Variants in ABI3BP observed in about 807,000 individuals in gnomAD.
ABI3BP encodes the protein ABI family member 3 binding protein.
A neutral mutation model predicts 268.6 loss-of-function variants in ABI3BP; 216 were observed. The ratio of observed to expected loss-of-function variants is 0.80; its 90% CI spans 0.72 to 0.90. The LOEUF is 0.90. Ranked by LOEUF, ABI3BP falls within the 40% of genes least tolerant of loss-of-function variation. The probability of loss-of-function intolerance (pLI) is 0.00; values close to 1 mark genes in which losing one functional copy is unlikely to be tolerated. For missense variants in ABI3BP, 2,090 were observed against 2,182.4 expected (o/e 0.96, Z 0.84); for synonymous variants, 730 against 730.0 (o/e 1.00, Z 0.00).
rs781034512 is a variant in ABI3BP at position 100,804,792 on chromosome 3, C to T, written c.3757G>A (p.Ala1253Thr). 2 of 1,612,554 alleles carry T rather than the reference C, an allele frequency of 1.2e-6. No individual in the cohort carries two copies. The highest frequency in any genetic ancestry group is 2.2e-5 in the East Asian group (1 of 44,826). The change falls in exon 51 of 68, where the codon GCT (alanine) becomes ACT (threonine). Residue 1253 changes from alanine (A) to threonine (T), a missense_variant and splice_region_variant. Ala to Thr is a moderately conservative substitution (Grantham distance 58, BLOSUM62 0). Coordinates refer to ENST00000471714, the MANE Select transcript of ABI3BP (RefSeq NM_001375547.2). The stretch of plus-strand genomic sequence containing the variant: ...CTTAAACATGAAATAAAGCATTTAC[C>T]AGGTGTGGTGTATGACACTTCTGGA... ...PSPEVSYTTP[A>T]PKDVLLPHKP...
rs1359594512 is a variant in ABI3BP at position 100,838,214 on chromosome 3, T to C, written c.2079A>G (p.Lys693=). 13 of 1,535,530 alleles carry C rather than the reference T, an allele frequency of 8.5e-6. No individual in the cohort carries two copies. Among genetic ancestry groups the C allele is most frequent in the Non-Finnish European group, 9.6e-6 (11 of 1,146,048 alleles). ...TTAEPDMPPT[K]SVSEPVPFET... is the part of the protein sequence containing the mutation. The stretch of plus-strand genomic sequence containing the variant: ...AGCACTGGAAATTATGTTTACCGGA[T>C]TTAGTTGGTGGCATGTCTGGTTCTG... Residue 693 remains lysine (K), a synonymous_variant, in exon 26 of 68, where the codon AAA becomes AAG. Coordinates refer to ENST00000471714, the MANE Select transcript of ABI3BP (RefSeq NM_001375547.2).
Position 100,954,050 on chromosome 3 carries a change from G to A in ABI3BP, c.80-27569C>T, listed in dbSNP as rs1257245148. Among the ~76,000 whole-genome samples, 28 of 152,106 alleles carry A rather than the reference G, an allele frequency of 1.8e-4. 1 individual carries two copies. The highest frequency in any genetic ancestry group is 1.8e-3 in the Admixed American group (28 of 15,268). On this transcript the variant is annotated intron_variant, in intron 1 of 67. Transcript: ENST00000471714. ...CCCAAACACTAGTACGTGTAACAAA[G>A]GTCCAGATACAGTGACCTCTAGGCA... is the stretch of plus-strand genomic sequence containing the variant.
rs1271142910 is a variant in ABI3BP at position 100,824,939 on chromosome 3, T to C, written c.2665A>G (p.Thr889Ala). The change falls in exon 36 of 68, where the codon ACC (threonine) becomes GCC (alanine). Residue 889 changes from threonine to alanine, a missense_variant and splice_region_variant. Coordinates refer to ENST00000471714, the MANE Select transcript of ABI3BP (RefSeq NM_001375547.2). ...RTEIPATTLATKTSKRTRPPR... is the reference protein window; with the variant it reads ...RTEIPATTLAAKTSKRTRPPR... ...GGGCGGGTTCTTTTTGATGTTTTGG[T>C]AGCTGAAGGAAGAAAAAGCCTTGTG... The C allele has an allele frequency of 6.5e-7, 1 of 1,535,582 alleles. No homozygotes were observed. The highest frequency in any genetic ancestry group is 8.7e-7 in the Non-Finnish European group (1 of 1,146,364).
intron 4 of ABI3BP, among the ~76,000 whole-genome samples, chr3:100,888,104 AG>A (rs1471133997): frequency 6.6e-6 from 1 of 152,078 alleles, no homozygotes; most frequent in Non-Finnish European, 1.5e-5. Flanking sequence ...AACCACTGAA[AG>A]GCTTGCCATC....
chr3:100,893,326 G>A (rs1374155424), intron 4 of ABI3BP, among the ~76,000 whole-genome samples: 1 of 152,080 alleles, frequency 6.6e-6, no homozygotes, highest in African/African-American at 2.4e-5. Flanking sequence ...CTTGCAGACG[G>A]CCTGTTATGA....
chr3:100,978,867 A>C (rs954694302), intron 1 of ABI3BP, among the ~76,000 whole-genome samples: 29 of 152,202 alleles, frequency 1.9e-4, no homozygotes, highest in Non-Finnish European at 4.1e-4. Flanking sequence ...TAGTTGTTTA[A>C]CATGCAGATT....
At position 100,852,016 on chromosome 3, in the gene ABI3BP, G is replaced by A. The variant is rs1481092316; in HGVS notation, c.1286-76C>T. ...TTTGATTAATTTAGAAAGATTACAT[G>A]ACATGTTGTAATGCTGGTTGAAGGA... On this transcript the variant is annotated intron_variant, in intron 14 of 67. Coordinates refer to ENST00000471714, the MANE Select transcript of ABI3BP (RefSeq NM_001375547.2). 2.3e-6 allele frequency: 3 copies of A among 1,313,940 alleles called. No individual in the cohort carries two copies. In the Admixed American group the frequency reaches 6.9e-5, roughly 30 times the overall value. The allele number at this position is 1,313,940 out of a possible 1,614,324, so 81.4% of individuals were successfully genotyped here. A position where few individuals can be genotyped will look rare whatever the true frequency, so the allele number is the denominator to read the frequency against.
intron 1 of ABI3BP, among the ~76,000 whole-genome samples, chr3:100,985,535 C>T (rs1452112492): frequency 1.3e-5 from 2 of 151,820 alleles, no homozygotes; most frequent in African/African-American, 4.8e-5. Context: ...ATGTTTTTGT[C>T]GTTTCCTTTA....
intron 18 of ABI3BP, among the ~76,000 whole-genome samples, 185 bp downstream of exon 18, chr3:100,848,616 G>A (rs115470188): frequency 0.014 from 2,155 of 152,044 alleles, 56 homozygotes; most frequent in African/African-American, 0.049. Flanking sequence ...TTGCAGAGAC[G>A]GGGTCTCACT....
At chr3:100,877,193 T>C (rs950920903) in intron 6 of ABI3BP, among the ~76,000 whole-genome samples, 2 of 152,236 alleles carry the variant, frequency 1.3e-5, no homozygotes, top group African/African-American at 2.4e-5. Flanking sequence ...ATTTGAGATA[T>C]GACACCGCCA....
chr3:100,974,620 A>G (rs902138795), intron 1 of ABI3BP, among the ~76,000 whole-genome samples: 2 of 152,194 alleles, frequency 1.3e-5, no homozygotes, highest in African/African-American at 4.8e-5. Context: ...TACAAGGCAC[A>G]GTGGAACATT....
intron 1 of ABI3BP, among the ~76,000 whole-genome samples, chr3:100,952,261 A>G (rs958962085): frequency 1.3e-5 from 2 of 152,220 alleles, no homozygotes; most frequent in East Asian, 3.8e-4. Flanking sequence ...TAACAATTCA[A>G]GTATACTTGA....
intron 6 of ABI3BP, among the ~76,000 whole-genome samples, chr3:100,883,289 G>A (rs1290893430): frequency 6.6e-6 from 1 of 152,072 alleles, no homozygotes; most frequent in Non-Finnish European, 1.5e-5. Context: ...TATCACAATG[G>A]AAAAATCTAA....
intron 10 of ABI3BP, 72 bp downstream of exon 10, chr3:100,866,807 A>G: frequency 1.6e-6 from 2 of 1,266,636 alleles, no homozygotes; most frequent in South Asian, 1.3e-5. Flanking sequence ...ACTGAAAAAA[A>G]GACTGCAGAT....
At chr3:100,825,354 T>G (rs1251420266) in intron 35 of ABI3BP, among the ~76,000 whole-genome samples, 2 of 147,006 alleles carry the variant, frequency 1.4e-5, no homozygotes, top group Non-Finnish European at 3.0e-5. Flanking sequence ...AAAGCACTAA[T>G]AAAGAAAGAA....
In ABI3BP at chr3:100,789,507, C is replaced by A. The variant is rs769685696; in HGVS notation, c.4034G>T (p.Arg1345Ile). The change falls in exon 56 of 68, where the codon AGA becomes ATA. Residue 1345 changes from arginine (R) to isoleucine (I), a missense_variant. Transcript: ENST00000471714. The part of the protein sequence containing the change: ...ELAKTTQAPH[R>I]FYTTVRPRTS... ...TCTGGGCCTCACAGTAGTATAAAAT[C>A]TGTGTGGCGCTGAAACAGAGGAACA... is the stretch of plus-strand genomic sequence containing the variant. 3.8e-6 allele frequency: 6 copies of A among 1,593,490 alleles called. No individual in the cohort carries two copies. In the East Asian group the frequency reaches 6.8e-5, roughly 18 times the overall value.
chr3:100,920,464 C>T (rs1402153014), intron 2 of ABI3BP, among the ~76,000 whole-genome samples: 1 of 152,014 alleles, frequency 6.6e-6, no homozygotes, highest in Non-Finnish European at 1.5e-5. Flanking sequence ...TGCTCTGACG[C>T]CCAGGCTGGA....
At chr3:100,754,464 T>C in intron 64 of ABI3BP, 148 bp downstream of exon 64, 1 of 707,854 alleles carries the variant, frequency 1.4e-6, no homozygotes, top group Non-Finnish European at 2.4e-6. Flanking sequence ...TCTCTAAACC[T>C]TCATCAGTTT....
At chr3:100,874,687 T>C (rs776741648) in intron 9 of ABI3BP, among the ~76,000 whole-genome samples, 154 bp downstream of exon 9, 1 of 152,208 alleles carries the variant, frequency 6.6e-6, no homozygotes, top group Non-Finnish European at 1.5e-5. Context: ...ATGTTATTTA[T>C]AATGAATACC....
Sources: gnomAD v4.1 joint callset for allele counts (sites outside exome capture counted in the v4.1 genomes callset) on GRCh38, gnomAD v4.1.1 for gene constraint, MANE v1.5 for transcripts, NCBI Gene and HGNC (gene_info 2026-07-23, HGNC 2026-07-21) for gene names.